EPHA6: variants seen among roughly 807,000 people sequenced by gnomAD.
EPHA6 encodes the protein EPH receptor A6.
EPHA6 carries 50 observed loss-of-function variants against 112.0 expected under a neutral mutation model. The ratio of observed to expected loss-of-function variants is 0.45; its 90% confidence interval spans 0.36 to 0.56. EPHA6 has a LOEUF of 0.56. Ranked by LOEUF, EPHA6 falls within the 20% of genes least tolerant of loss-of-function variation. The pLI, the probability that EPHA6 is intolerant of heterozygous loss-of-function variation, is 0.00. For missense variants in EPHA6, 1,280 were observed against 1,417.4 expected (o/e 0.90, Z 1.56); for synonymous variants, 529 against 490.7 (o/e 1.08, Z -1.03).
At chr3:97,500,592 A>G (rs1183437633) in intron 10 of EPHA6, among the ~76,000 whole-genome samples, 1 of 152,160 alleles carries the variant, frequency 6.6e-6, no homozygotes, top group Non-Finnish European at 1.5e-5. Flanking sequence ...CCGGCCTACA[A>G]CACTGGGGAT....
At chr3:97,608,733 AC>A (rs1477070571) in intron 12 of EPHA6, among the ~76,000 whole-genome samples, 17 of 151,464 alleles carry the variant, frequency 1.1e-4, no homozygotes, top group Admixed American at 1.1e-3. Context: ...TTAAATAAAT[AC>A]AAGTACTAAT....
chr3:97,097,721 T>G (rs1490663796), intron 3 of EPHA6, among the ~76,000 whole-genome samples: 1 of 151,916 alleles, frequency 6.6e-6, no homozygotes, highest in Non-Finnish European at 1.5e-5. Context: ...CCATAATAGG[T>G]ACAATAAATG....
At chr3:97,592,038 T>A (rs1210876656) in intron 11 of EPHA6, among the ~76,000 whole-genome samples, 1 of 152,240 alleles carries the variant, frequency 6.6e-6, no homozygotes, top group Non-Finnish European at 1.5e-5. Flanking sequence ...GCATGTGGTT[T>A]TACCTTTGCA....
intron 3 of EPHA6, among the ~76,000 whole-genome samples, chr3:97,155,287 G>A (rs2076263644): frequency 6.6e-6 from 1 of 152,060 alleles, no homozygotes; most frequent in African/African-American, 2.4e-5. Flanking sequence ...TCAAAAAATG[G>A]ATTCTGTTCT....
At chr3:97,426,265 G>T (rs2089114270) in intron 6 of EPHA6, among the ~76,000 whole-genome samples, 1 of 152,164 alleles carries the variant, frequency 6.6e-6, no homozygotes, top group Non-Finnish European at 1.5e-5. Flanking sequence ...AGCTGGGGAG[G>T]CCTCACAATC....
At chr3:97,645,826 AT>A (rs1008990835) in intron 14 of EPHA6, among the ~76,000 whole-genome samples, 3 of 152,008 alleles carry the variant, frequency 2.0e-5, no homozygotes, top group African/African-American at 7.3e-5. Flanking sequence ...ACCTCAGATG[AT>A]TTTGACTTTT....
intron 10 of EPHA6, among the ~76,000 whole-genome samples, chr3:97,499,770 C>T (rs1215548894): frequency 2.6e-5 from 4 of 152,036 alleles, no homozygotes; most frequent in Non-Finnish European, 4.4e-5. Flanking sequence ...GGGCACTTAT[C>T]GTGAATGAAG....
At chr3:97,539,405 C>T (rs1048400679) in intron 11 of EPHA6, among the ~76,000 whole-genome samples, 3 of 152,040 alleles carry the variant, frequency 2.0e-5, no homozygotes, top group Non-Finnish European at 2.9e-5. Context: ...GTCTTGGCCA[C>T]GGGAAGTGCT....
At chr3:97,088,226 G>A (rs937049052) in intron 3 of EPHA6, among the ~76,000 whole-genome samples, 5 of 151,914 alleles carry the variant, frequency 3.3e-5, no homozygotes, top group African/African-American at 7.3e-5. Flanking sequence ...ATGTTAAGGG[G>A]GGTTAAATCA....
At chr3:97,351,180 A>C (rs943214871) in intron 5 of EPHA6, among the ~76,000 whole-genome samples, 2 of 152,200 alleles carry the variant, frequency 1.3e-5, no homozygotes, top group Admixed American at 6.5e-5. Flanking sequence ...ATTGAAAGAT[A>C]TTAGTTGATA....
At chr3:96,940,042 A>C (rs1484597705) in intron 2 of EPHA6, among the ~76,000 whole-genome samples, 1 of 152,136 alleles carries the variant, frequency 6.6e-6, no homozygotes, top group Non-Finnish European at 1.5e-5. Flanking sequence ...TAATTTTGGA[A>C]TACGTGTGGT....
At chr3:97,480,067 A>C (rs371959314) in intron 9 of EPHA6, among the ~76,000 whole-genome samples, 1 of 152,194 alleles carries the variant, frequency 6.6e-6, no homozygotes, top group South Asian at 2.1e-4. Flanking sequence ...AAGGCAACTT[A>C]ACTGTTTTAT....
Position 97,118,774 on chromosome 3 carries a change from A to G in EPHA6, c.1115-107490A>G, listed in dbSNP as rs141267486. ...TTTGCATCTGTAAATGGTACTAGCA[A>G]CAAATATAGAGGCTATTGTGAAGAT... On this transcript the variant is annotated intron_variant, in intron 3 of 17. Transcript: ENST00000389672. Among the ~76,000 whole-genome samples the G allele has an allele frequency of 8.0e-3, 1,220 of 152,110 alleles. 16 individuals carry two copies. The highest frequency in any genetic ancestry group is 0.028 in the African/African-American group (1,149 of 41,544).
In EPHA6 at chr3:96,919,405, A is replaced by G. The variant is rs185974242; in HGVS notation, c.450+52516A>G. Among the ~76,000 whole-genome samples, 539 of 152,070 alleles carry G rather than the reference A, an allele frequency of 3.5e-3. 5 individuals carry two copies. Among genetic ancestry groups the G allele is most frequent in the Non-Finnish European group, 5.4e-3 (369 of 67,824 alleles). ...AAAATAAAAGAAGTTTTAGAATTCA[A>G]TTAAAGTTTGTGACAGGACAGTAGA... On this transcript the variant is annotated intron_variant, in intron 2 of 17. Transcript: ENST00000389672.
Position 97,755,578 on chromosome 3 carries a change from G to A in EPHA6, c.*6877G>A, listed in dbSNP as rs1415284850. On this transcript the variant is annotated 3_prime_UTR_variant, in exon 18 of 18. Transcript: ENST00000389672. ...CAGGGTCTCCATCTCATTATCCCTC[G>A]CTGAAGTGAGAACTATCTTTATCCC... Among the ~76,000 whole-genome samples, 1 of 152,016 alleles carries A rather than the reference G, an allele frequency of 6.6e-6. No homozygotes were observed. The highest frequency in any genetic ancestry group is 1.5e-5 in the Non-Finnish European group (1 of 67,960).
chr3:97,129,059 G>T (rs368195872), intron 3 of EPHA6, among the ~76,000 whole-genome samples: 2 of 151,550 alleles, frequency 1.3e-5, no homozygotes, highest in African/African-American at 4.8e-5. Context: ...TTTTTTTGTA[G>T]AGATGGGATT....
intron 2 of EPHA6, among the ~76,000 whole-genome samples, chr3:96,888,441 T>C (rs1456596937): frequency 6.6e-6 from 1 of 152,020 alleles, no homozygotes; most frequent in Non-Finnish European, 1.5e-5. Flanking sequence ...GCAGGAGCAG[T>C]CTGCTTCCCT....
chr3:97,166,559 A>C (rs1184554162), intron 3 of EPHA6, among the ~76,000 whole-genome samples: 1 of 152,118 alleles, frequency 6.6e-6, no homozygotes, highest in Non-Finnish European at 1.5e-5. Context: ...CATATTTGGC[A>C]GATATTTTAG....
chr3:97,398,123 G>A (rs564698839), intron 5 of EPHA6, among the ~76,000 whole-genome samples: 24 of 151,506 alleles, frequency 1.6e-4, no homozygotes, highest in African/African-American at 5.1e-4. Context: ...CTTTTATGCT[G>A]TGGCTATAAT....
Sources: gnomAD v4.1 joint callset for allele counts (sites outside exome capture counted in the v4.1 genomes callset) on GRCh38, gnomAD v4.1.1 for gene constraint, MANE v1.5 for transcripts, NCBI Gene and HGNC (gene_info 2026-07-23, HGNC 2026-07-21) for gene names.